The following CTIF variants were observed in gnomAD, a reference collection of about 807,000 sequenced individuals.
The protein encoded by CTIF is CBP80/20-dependent translation initiation factor.
Under a neutral mutation model 66.0 loss-of-function variants are expected in CTIF, and 21 were observed. The ratio of observed to expected loss-of-function variants is 0.32; its 90% confidence interval spans 0.23 to 0.46. The LOEUF (loss-of-function observed/expected upper bound fraction) is 0.46, where lower values mean the gene tolerates loss of function less well. Ranked by LOEUF, CTIF falls within the 20% of genes least tolerant of loss-of-function variation. The pLI is 1.00. For missense variants in CTIF, 739 were observed against 812.7 expected, an observed-to-expected ratio of 0.91 and a Z score of 1.10; for synonymous variants, 345 against 326.4, an observed-to-expected ratio of 1.06 and a Z score of -0.62.
chr18:48,776,561 G>A (rs1311615616), intron 9 of CTIF, among the ~76,000 whole-genome samples: 6 of 152,386 alleles, frequency 3.9e-5, no homozygotes, highest in Admixed American at 1.3e-4. Context: ...TAATGTCACC[G>A]TCTGAGCCTC....
chr18:48,727,318 G>T (rs1490093053), intron 7 of CTIF, among the ~76,000 whole-genome samples: 2 of 152,128 alleles, frequency 1.3e-5, no homozygotes, highest in Non-Finnish European at 2.9e-5. Flanking sequence ...TGCATTCAGG[G>T]TCTTTCATGA....
chr18:48,670,951 G>A (rs899884217), intron 6 of CTIF, among the ~76,000 whole-genome samples: 3 of 152,198 alleles, frequency 2.0e-5, no homozygotes, highest in African/African-American at 7.2e-5. Flanking sequence ...AGCCTACTCG[G>A]TGATGCTGCA....
At position 48,541,195 on chromosome 18, in the gene CTIF, C is replaced by T. The variant is rs75006224; in HGVS notation, c.-29+1883C>T. Among the ~76,000 whole-genome samples the T allele has an allele frequency of 9.6e-3, 1,466 of 152,250 alleles. 18 individuals are homozygous for T. Among genetic ancestry groups the T allele is most frequent in the South Asian group, 0.014 (66 of 4,828 alleles). ...CAGCCCCGGCTCTTCAGTCTGGGGA[C>T]AGTGGGAGCCCAAGCCCAGCGCGCC... is the stretch of plus-strand genomic sequence containing the variant. On this transcript the variant is annotated intron_variant, in intron 1 of 11. Coordinates refer to ENST00000256413, the MANE Select transcript of CTIF (RefSeq NM_014772.3).
At chr18:48,855,720 A>G (rs1277614613) in intron 10 of CTIF, among the ~76,000 whole-genome samples, 2 of 152,200 alleles carry the variant, frequency 1.3e-5, no homozygotes, top group African/African-American at 4.8e-5. Flanking sequence ...GAGGGAAGCA[A>G]CAAAACCTCA....
chr18:48,669,102 C>A (rs972634009), intron 5 of CTIF, among the ~76,000 whole-genome samples: 1 of 152,160 alleles, frequency 6.6e-6, no homozygotes, highest in African/African-American at 2.4e-5. Flanking sequence ...CGTGCTGCCC[C>A]CAGTGGTGCT....
chr18:48,768,688 T>C (rs1909816374), intron 9 of CTIF, among the ~76,000 whole-genome samples: 2 of 151,910 alleles, frequency 1.3e-5, no homozygotes, highest in Admixed American at 6.6e-5. Flanking sequence ...GGCAGGAGGA[T>C]TGCTTGAGGC....
At chr18:48,699,763 A>T (rs1029423237) in intron 6 of CTIF, among the ~76,000 whole-genome samples, 6 of 152,202 alleles carry the variant, frequency 3.9e-5, no homozygotes, top group South Asian at 2.1e-4. Flanking sequence ...GTCCTCTGAT[A>T]TGCGTATGCT....
At chr18:48,571,755 CT>C (rs1403496215) in intron 1 of CTIF, among the ~76,000 whole-genome samples, 1 of 152,034 alleles carries the variant, frequency 6.6e-6, no homozygotes, top group Non-Finnish European at 1.5e-5. Context: ...ACACTGTATA[CT>C]GTGTAGTCAA....
At chr18:48,833,184 G>T (rs1270499607) in intron 10 of CTIF, among the ~76,000 whole-genome samples, 1 of 152,250 alleles carries the variant, frequency 6.6e-6, no homozygotes, top group Non-Finnish European at 1.5e-5. Context: ...GTGGGCCAGG[G>T]ATTAGCTGAC....
rs147488701 is a variant in CTIF, at chr18:48,629,165, G to C, written c.181-7449G>C. Among the ~76,000 whole-genome samples, 591 of 150,938 alleles carry C rather than the reference G, an allele frequency of 3.9e-3. 2 individuals carry two copies. Among genetic ancestry groups the C allele is most frequent in the African/African-American group, 0.013 (533 of 40,254 alleles). On this transcript the variant is annotated intron_variant, in intron 2 of 11. Coordinates refer to ENST00000256413, the MANE Select transcript of CTIF (RefSeq NM_014772.3). ...CCACCTGGCACAGGTTTTACACACAGAGGTCACATTCCACCACCACCTATG... is the reference window on the plus strand; with the variant it reads ...CCACCTGGCACAGGTTTTACACACACAGGTCACATTCCACCACCACCTATG...
At chr18:48,617,199 G>A (rs2090415501) in intron 1 of CTIF, among the ~76,000 whole-genome samples, 1 of 152,162 alleles carries the variant, frequency 6.6e-6, no homozygotes, top group African/African-American at 2.4e-5. Context: ...AACTACTAGA[G>A]GCTGCCCACA....
intron 9 of CTIF, among the ~76,000 whole-genome samples, chr18:48,795,011 A>T (rs1334201943): frequency 3.3e-5 from 5 of 152,158 alleles, no homozygotes; most frequent in African/African-American, 1.2e-4. Flanking sequence ...GTCCTGTGTG[A>T]GGATTCATGC....
intron 7 of CTIF, among the ~76,000 whole-genome samples, chr18:48,742,182 C>T (rs1209199321): frequency 6.6e-6 from 1 of 152,192 alleles, no homozygotes; most frequent in Non-Finnish European, 1.5e-5. Flanking sequence ...TGACCAGGAC[C>T]GTTTCCCGAA....
At position 48,852,233 on chromosome 18, in the gene CTIF, TAAAAAA is replaced by T. The variant is rs10591389; in HGVS notation, c.1528-5331_1528-5326del. On this transcript the variant is annotated intron_variant, in intron 10 of 11. Transcript: ENST00000256413. ...TGGGGGACAGAGTGAGACCCTGTCT[TAAAAAA>T]AAAAAAAAAAAAAAAAAAAAAAAGT... 5.0e-3 allele frequency among the ~76,000 whole-genome samples: 336 copies of T among 66,586 alleles called. 13 individuals carry two copies. In the Admixed American group the frequency reaches 0.066, roughly 13 times the overall value. The allele number at this position is 66,586 out of a possible 152,430, so 43.7% of individuals were successfully genotyped here.
intron 10 of CTIF, among the ~76,000 whole-genome samples, chr18:48,852,402 G>A (rs546560473): frequency 4.6e-5 from 7 of 152,016 alleles, no homozygotes; most frequent in South Asian, 4.2e-4. Flanking sequence ...CCAGCCCCTC[G>A]CAGTTGGATG....
At chr18:48,604,421 G>A (rs948158854) in intron 1 of CTIF, among the ~76,000 whole-genome samples, 1 of 151,810 alleles carries the variant, frequency 6.6e-6, no homozygotes, top group Admixed American at 6.6e-5. Context: ...CTTGTGATCT[G>A]CCCACCTCGG....
At chr18:48,817,434 C>T (rs553137253) in intron 10 of CTIF, 58 bp downstream of exon 10, 19 of 1,550,370 alleles carry the variant, frequency 1.2e-5, no homozygotes, top group Admixed American at 5.5e-5. Context: ...GTCTGGAATG[C>T]GTCTCAGATA....
At chr18:48,619,854 T>C in intron 2 of CTIF, 109 bp downstream of exon 2, 4 of 1,079,596 alleles carry the variant, frequency 3.7e-6, no homozygotes, top group Non-Finnish European at 3.8e-6. Flanking sequence ...CGCCAAGGCA[T>C]GAATGGTCCC....
At chr18:48,777,781 A>G (rs1275132684) in intron 9 of CTIF, among the ~76,000 whole-genome samples, 1 of 152,240 alleles carries the variant, frequency 6.6e-6, no homozygotes, top group African/African-American at 2.4e-5. Context: ...GGCTTCTCCC[A>G]TGCAGTAGGG....
Sources: allele counts gnomAD v4.1 joint callset (sites outside exome capture counted in the v4.1 genomes callset), GRCh38; gene constraint gnomAD v4.1.1; transcripts MANE v1.5; gene names NCBI Gene and HGNC (gene_info 2026-07-23, HGNC 2026-07-21).